ZFPM2: variants seen among roughly 807,000 people sequenced by gnomAD.
The protein encoded by ZFPM2 is zinc finger protein, FOG family member 2, also known as zinc finger protein ZFPM2.
A neutral mutation model predicts 98.6 loss-of-function variants in ZFPM2; 20 were observed. That is an observed-to-expected ratio of 0.20 (90% confidence interval 0.14 to 0.29). ZFPM2 has a LOEUF of 0.29. Among genes scored for constraint, ZFPM2 ranks in the 10% least tolerant of loss-of-function variants. The pLI, the probability that ZFPM2 is intolerant of heterozygous loss-of-function variation, is 1.00. For missense variants in ZFPM2, 1,310 were observed against 1,388.6 expected, an observed-to-expected ratio of 0.94 and a Z score of 0.90; for synonymous variants, 518 against 502.7, an observed-to-expected ratio of 1.03 and a Z score of -0.41.
chr8:105,326,424 C>T lies in ZFPM2; in HGVS notation c.40+7443C>T, dbSNP rs543773747. ...CTTTTAGGATTATGGGCACTAAATA[C>T]ACTTAAATGTTTGTAGATTGGGGAA... On this transcript the variant is annotated intron_variant, in intron 1 of 7. Transcript: ENST00000407775. 1.8e-3 allele frequency among the ~76,000 whole-genome samples: 277 copies of T among 151,740 alleles called. 1 individual carries two copies. Among genetic ancestry groups the T allele is most frequent in the African/African-American group, 6.4e-3 (266 of 41,486 alleles).
At position 105,329,365 on chromosome 8, in the gene ZFPM2, G is replaced by A. The variant is rs138698969; in HGVS notation, c.40+10384G>A. ...TAGGTCCAGGTCCTAACATTTGATA[G>A]TCATTTAAAGGCATGAAGATTCAGT... On this transcript the variant is annotated intron_variant, in intron 1 of 7. Coordinates refer to ENST00000407775, the MANE Select transcript of ZFPM2 (RefSeq NM_012082.4). 3.3e-5 allele frequency among the ~76,000 whole-genome samples: 5 copies of A among 151,916 alleles called. No individual in the cohort carries two copies. The East Asian group carries it at 9.7e-4, about 29-fold the overall frequency.
At chr8:105,796,778 A>C (rs1172921086) in intron 6 of ZFPM2, 1 of 152,174 alleles carries the variant, frequency 6.6e-6, no homozygotes. Flanking sequence ...GAAATATCAG[A>C]TTCCACATGT....
At chr8:105,449,837 A>G (rs541421221) in intron 3 of ZFPM2, among the ~76,000 whole-genome samples, 1 of 152,212 alleles carries the variant, frequency 6.6e-6, no homozygotes, top group South Asian at 2.1e-4. Flanking sequence ...AATTACTCTT[A>G]ATATTACTTT....
At chr8:105,676,809 T>C (rs1810481444) in intron 5 of ZFPM2, among the ~76,000 whole-genome samples, 1 of 152,050 alleles carries the variant, frequency 6.6e-6, no homozygotes, top group South Asian at 2.1e-4. Flanking sequence ...TCTGAAAAAA[T>C]GGTTAAGAGT....
chr8:105,352,557 T>C (rs1353330272), intron 1 of ZFPM2, among the ~76,000 whole-genome samples: 1 of 151,532 alleles, frequency 6.6e-6, no homozygotes, highest in Non-Finnish European at 1.5e-5. Flanking sequence ...TTGGCACGAC[T>C]AAAAGACATC....
rs554444073 is a variant in ZFPM2, at chr8:105,341,399, A to T, written c.40+22418A>T. On this transcript the variant is annotated intron_variant, in intron 1 of 7. Coordinates refer to ENST00000407775, the MANE Select transcript of ZFPM2 (RefSeq NM_012082.4). ...TCACAAAATATTGCATTATGATATT[A>T]TACAATATATGTAATATTAACAATG... 2.0e-5 allele frequency among the ~76,000 whole-genome samples: 3 copies of T among 152,004 alleles called. No homozygotes were observed. The South Asian group carries it at 6.2e-4, about 31-fold the overall frequency.
chr8:105,768,353 A>G (rs772637785), intron 5 of ZFPM2, among the ~76,000 whole-genome samples: 1 of 151,978 alleles, frequency 6.6e-6, no homozygotes, highest in Non-Finnish European at 1.5e-5. Context: ...AAATGTATAA[A>G]TATCTCTAGA....
chr8:105,588,894 C>G (rs1815783608), intron 4 of ZFPM2, among the ~76,000 whole-genome samples: 1 of 152,192 alleles, frequency 6.6e-6, no homozygotes, highest in South Asian at 2.1e-4. Flanking sequence ...GCTTGGTACT[C>G]TCTCCTCATT....
At chr8:105,336,537 T>A (rs1311092460) in intron 1 of ZFPM2, among the ~76,000 whole-genome samples, 1 of 151,740 alleles carries the variant, frequency 6.6e-6, no homozygotes, top group Non-Finnish European at 1.5e-5. Context: ...TATAAAAAGA[T>A]CTTGTTGAAT....
At chr8:105,537,177 C>T (rs1188818515) in intron 3 of ZFPM2, among the ~76,000 whole-genome samples, 1 of 151,586 alleles carries the variant, frequency 6.6e-6, no homozygotes, top group Non-Finnish European at 1.5e-5. Context: ...TTGACCCAGT[C>T]GTGCCAGTGA....
At chr8:105,367,123 T>G (rs1373006502) in intron 1 of ZFPM2, among the ~76,000 whole-genome samples, 2 of 117,302 alleles carry the variant, frequency 1.7e-5, no homozygotes, top group Non-Finnish European at 3.4e-5. Context: ...TTTTGGTTAC[T>G]GTAGCCTTGT....
At chr8:105,684,242 C>T (rs192476971) in intron 5 of ZFPM2, among the ~76,000 whole-genome samples, 7 of 152,234 alleles carry the variant, frequency 4.6e-5, no homozygotes, top group East Asian at 1.9e-4. Flanking sequence ...TTGTTATATA[C>T]GTCCCTTCCT....
intron 5 of ZFPM2, among the ~76,000 whole-genome samples, chr8:105,645,073 T>C (rs1817017390): frequency 6.6e-6 from 1 of 152,206 alleles, no homozygotes; most frequent in Non-Finnish European, 1.5e-5. Flanking sequence ...GATTTTTTTT[T>C]CTGTTTTTTA....
Position 105,320,108 on chromosome 8 carries a change from T to C in ZFPM2, c.40+1127T>C, listed in dbSNP as rs201205305. 2.1e-4 allele frequency among the ~76,000 whole-genome samples: 32 copies of C among 152,260 alleles called. No individual in the cohort carries two copies. In the East Asian group the frequency reaches 5.2e-3, roughly 25 times the overall value. ...GGATAAGACTTTAGTAGTATCCCTT[T>C]CCCCCCTGATTATTAACCATACTCG... On this transcript the variant is annotated intron_variant, in intron 1 of 7. Coordinates refer to ENST00000407775, the MANE Select transcript of ZFPM2 (RefSeq NM_012082.4).
rs568863807 is a variant in ZFPM2 at position 105,789,699 on chromosome 8, C to A, written c.739+775C>A. On this transcript the variant is annotated intron_variant, in intron 6 of 7. Coordinates refer to ENST00000407775, the MANE Select transcript of ZFPM2 (RefSeq NM_012082.4). ...TGGTTGAACTAGTTTACAGTCCCCCCAACAGTGTAAAAGTGTTCCTATTTC... is the reference window on the plus strand; with the variant it reads ...TGGTTGAACTAGTTTACAGTCCCCCAAACAGTGTAAAAGTGTTCCTATTTC... 3.9e-3 allele frequency among the ~76,000 whole-genome samples: 594 copies of A among 152,298 alleles called. 5 individuals carry two copies. The highest frequency in any genetic ancestry group is 0.012 in the African/African-American group (518 of 41,558).
At chr8:105,781,912 T>C (rs772356879) in intron 5 of ZFPM2, among the ~76,000 whole-genome samples, 25 of 152,164 alleles carry the variant, frequency 1.6e-4, no homozygotes, top group Admixed American at 1.1e-3. Flanking sequence ...AACTTAGTAA[T>C]GAAAGTAGGA....
intron 3 of ZFPM2, among the ~76,000 whole-genome samples, chr8:105,486,196 T>C (rs1048286243): frequency 2.0e-5 from 3 of 152,144 alleles, no homozygotes; most frequent in African/African-American, 7.2e-5. Flanking sequence ...TGGGGTCTGT[T>C]ACTCAGTAAG....
chr8:105,743,439 G>A (rs949174150), intron 5 of ZFPM2, among the ~76,000 whole-genome samples: 2 of 152,032 alleles, frequency 1.3e-5, no homozygotes, highest in African/African-American at 4.8e-5. Flanking sequence ...AGAACTTGGA[G>A]AATGGATGTG....
intron 5 of ZFPM2, among the ~76,000 whole-genome samples, chr8:105,664,428 G>A (rs957785910): frequency 4.0e-5 from 6 of 151,760 alleles, no homozygotes; most frequent in South Asian, 2.1e-4. Flanking sequence ...CTCTGCCTCC[G>A]GGTTCAAGCG....
Sources: allele counts gnomAD v4.1 joint callset (sites outside exome capture counted in the v4.1 genomes callset), GRCh38; gene constraint gnomAD v4.1.1; transcripts MANE v1.5; gene names NCBI Gene and HGNC (gene_info 2026-07-23, HGNC 2026-07-21).